SCD: variants seen among roughly 807,000 people sequenced by gnomAD.
The protein encoded by SCD is acyl-CoA desaturase.
A neutral mutation model predicts 35.7 loss-of-function variants in SCD; 4 were observed. The observed-to-expected ratio is 0.11, with a 90% CI of 0.06 to 0.26. SCD has a LOEUF of 0.26. Ranked by LOEUF, SCD falls within the 10% of genes least tolerant of loss-of-function variation. The probability of loss-of-function intolerance (pLI) is 1.00; values close to 1 mark genes in which losing one functional copy is unlikely to be tolerated. For synonymous variants in SCD, 150 were observed against 170.2 expected (o/e 0.88, Z 0.92); for missense variants, 282 against 460.7 (o/e 0.61, Z 3.55).
chr10:100,356,424 C>T lies in SCD; in HGVS notation c.648-108C>T, dbSNP rs146967790. The stretch of plus-strand genomic sequence containing the variant: ...AACAATGAACTTAGAGTCAGACAAG[C>T]AATTCAACATGGAAGAAAGACAGCC... On this transcript the variant is annotated intron_variant, in intron 4 of 5. Coordinates refer to ENST00000370355, the MANE Select transcript of SCD (RefSeq NM_005063.5). This position sits in a 1 kb window ranked among gnomAD's most constrained non-coding sequence, Gnocchi z 4.1. 1.5e-3 allele frequency: 1,180 copies of T among 776,528 alleles called. 16 individuals carry two copies. In the East Asian group the frequency reaches 0.027, roughly 18 times the overall value. The allele number at this position is 776,528 out of a possible 1,614,324, so 48.1% of individuals were successfully genotyped here.
At chr10:100,353,582 C>CA (rs35108206) in intron 3 of SCD, among the ~76,000 whole-genome samples, 17,255 of 106,200 alleles carry the variant, frequency 0.16, 1,920 homozygotes, top group African/African-American at 0.35. Context: ...GACTCCATCT[C>CA]AAAAAAAAAA....
chr10:100,351,607 G>A (rs962437399), intron 2 of SCD, among the ~76,000 whole-genome samples: 4 of 152,062 alleles, frequency 2.6e-5, no homozygotes, highest in African/African-American at 4.8e-5. Context: ...ACAACTAAGG[G>A]CTTCTCAAAT....
chr10:100,360,082 A>G (rs1849974334), intron 5 of SCD, among the ~76,000 whole-genome samples: 1 of 152,198 alleles, frequency 6.6e-6, no homozygotes, highest in African/African-American at 2.4e-5. Flanking sequence ...GTGGCTGAGG[A>G]CATTCCAGCC....
chr10:100,348,629 G>A (rs555718150), intron 2 of SCD, among the ~76,000 whole-genome samples: 110 of 152,180 alleles, frequency 7.2e-4, no homozygotes, highest in African/African-American at 2.6e-3. Context: ...GAGCTTTTCT[G>A]TTTGAGTCAT....
At position 100,347,336 on chromosome 10, in the gene SCD, G is replaced by C. The variant is rs201691424; in HGVS notation, c.-169G>C. The C allele has an allele frequency of 9.1e-5, 67 of 736,148 alleles. No individual in the cohort carries two copies. The highest frequency in any genetic ancestry group is 1.5e-4 in the Non-Finnish European group (61 of 416,174). The allele number at this position is 736,148 out of a possible 1,614,324, so 45.6% of individuals were successfully genotyped here. A position where few individuals can be genotyped will look rare whatever the true frequency, so the allele number is the denominator to read the frequency against. On this transcript the variant is annotated 5_prime_UTR_variant, in exon 1 of 6. Transcript: ENST00000370355. Reference sequence around the variant, plus strand: ...GCCAGCTCTAGCCTTTAAATTCCCGGCTCGGGGACCTCCACGCACCGCGGC... The same window carrying C: ...GCCAGCTCTAGCCTTTAAATTCCCGCCTCGGGGACCTCCACGCACCGCGGC...
At chr10:100,359,877 G>A (rs1019494519) in intron 5 of SCD, among the ~76,000 whole-genome samples, 4 of 152,212 alleles carry the variant, frequency 2.6e-5, no homozygotes, top group African/African-American at 4.8e-5. Context: ...AGCTTTACAC[G>A]TTAGAGAAAT....
Position 100,361,139 on chromosome 10 carries a change from C to T in SCD, c.*206C>T, listed in dbSNP as rs1849986059. 1 of 578,400 alleles carries T rather than the reference C, an allele frequency of 1.7e-6. No homozygotes were observed. Among genetic ancestry groups the T allele is most frequent in the Admixed American group, 3.2e-5 (1 of 31,620 alleles). The allele number at this position is 578,400 out of a possible 1,614,324, so 35.8% of individuals were successfully genotyped here. ...AAGCTGATATTATTTCTTCTCTTAT[C>T]CTCTCTCTCTTCTAGGCCCATTGTC... On this transcript the variant is annotated 3_prime_UTR_variant, in exon 6 of 6. Coordinates refer to ENST00000370355, the MANE Select transcript of SCD (RefSeq NM_005063.5).
intron 5 of SCD, among the ~76,000 whole-genome samples, chr10:100,359,835 G>A (rs78216507): frequency 0.011 from 1,740 of 152,292 alleles, 39 homozygotes; most frequent in African/African-American, 0.039. Flanking sequence ...CCTGCCAAGC[G>A]TTGGCAAACT....
chr10:100,361,089 C>T lies in SCD; in HGVS notation c.*156C>T. ...TTTTAAAATTCAAAAGTATTGAAAG[C>T]CAACAACTCTGCCTTTATGATGCTA... On this transcript the variant is annotated 3_prime_UTR_variant, in exon 6 of 6. Transcript: ENST00000370355. The T allele has an allele frequency of 1.5e-6, 1 of 653,484 alleles. No individual in the cohort carries two copies. Among genetic ancestry groups the T allele is most frequent in the Non-Finnish European group, 2.6e-6 (1 of 386,158 alleles). 40.5% of individuals were successfully genotyped at this position (653,484 alleles called of 1,614,324 possible). A position where few individuals can be genotyped will look rare whatever the true frequency, so the allele number is the denominator to read the frequency against.
intron 2 of SCD, among the ~76,000 whole-genome samples, chr10:100,349,494 G>A (rs1344051895): frequency 6.6e-6 from 1 of 152,198 alleles, no homozygotes; most frequent in African/African-American, 2.4e-5. Flanking sequence ...AGTTTTAGCT[G>A]TTTCCCTCAG....
Position 100,363,233 on chromosome 10 carries a change from A to T in SCD, c.*2300A>T, listed in dbSNP as rs565329840. ...GTATAGAAGTCTGGAAAAAAACAAA[A>T]ACAGAATTTGAGAACCTTGGACCAC... On this transcript the variant is annotated 3_prime_UTR_variant, in exon 6 of 6. Transcript: ENST00000370355. The T allele has an allele frequency of 6.6e-6, 1 of 152,358 alleles. No individual in the cohort carries two copies. The highest frequency in any genetic ancestry group is 6.5e-5 in the Admixed American group (1 of 15,294). 9.4% of individuals were successfully genotyped at this position (152,358 alleles called of 1,614,324 possible).
At position 100,347,493 on chromosome 10, in the gene SCD, C is replaced by T; in HGVS notation, c.-12C>T. On this transcript the variant is annotated 5_prime_UTR_variant, in exon 1 of 6. Coordinates refer to ENST00000370355, the MANE Select transcript of SCD (RefSeq NM_005063.5). ...GCCCCCTGGAAAGTGATCCCGGCATCCGAGAGCCAAGATGCCGGCCCACTT... is the reference window on the plus strand; with the variant it reads ...GCCCCCTGGAAAGTGATCCCGGCATTCGAGAGCCAAGATGCCGGCCCACTT... The T allele has an allele frequency of 6.2e-7, 1 of 1,613,896 alleles. No homozygotes were observed. The highest frequency in any genetic ancestry group is 8.5e-7 in the Non-Finnish European group (1 of 1,179,964).
In SCD at chr10:100,360,807, C is replaced by T; in HGVS notation, c.954C>T (p.Asn318=). ...YSASEYRWHI[N]FTTFFIDCMA... ...CCAGTGAGTACCGCTGGCACATCAACTTCACCACATTCTTCATTGATTGCA... is the reference window on the plus strand; with the variant it reads ...CCAGTGAGTACCGCTGGCACATCAATTTCACCACATTCTTCATTGATTGCA... Residue 318 remains asparagine (N), a synonymous_variant, in exon 6 of 6, where the codon AAC becomes AAT. Transcript: ENST00000370355. 6.2e-7 allele frequency: 1 copy of T among 1,613,994 alleles called. No homozygotes were observed. The highest frequency in any genetic ancestry group is 8.5e-7 in the Non-Finnish European group (1 of 1,179,866).
chr10:100,354,354 T>C, intron 3 of SCD, 73 bp from the exon 4 acceptor site: 1 of 1,359,186 alleles, frequency 7.4e-7, no homozygotes, highest in Non-Finnish European at 1.1e-6. Context: ...GGGCTCTTGA[T>C]ACCTGTCCAT....
chr10:100,360,490 G>A (rs1422584582), intron 5 of SCD, among the ~76,000 whole-genome samples: 1 of 152,204 alleles, frequency 6.6e-6, no homozygotes. Context: ...AGCACTTTGG[G>A]TGGTCAACGT....
intron 5 of SCD, among the ~76,000 whole-genome samples, chr10:100,359,262 C>T (rs911896831): frequency 6.6e-6 from 1 of 152,132 alleles, no homozygotes; most frequent in Non-Finnish European, 1.5e-5. Flanking sequence ...TGTTCTCCTC[C>T]AGCTCTGTTT....
chr10:100,347,389 G>A lies in SCD; in HGVS notation c.-116G>A. On this transcript the variant is annotated 5_prime_UTR_variant, in exon 1 of 6. Coordinates refer to ENST00000370355, the MANE Select transcript of SCD (RefSeq NM_005063.5). ...GCGCCGACAACCAGCTAGCGTGCAAGGCGCCGCGGCTCAGCGCGTACCGGC... is the reference window on the plus strand; with the variant it reads ...GCGCCGACAACCAGCTAGCGTGCAAAGCGCCGCGGCTCAGCGCGTACCGGC... 2 of 1,170,696 alleles carry A rather than the reference G, an allele frequency of 1.7e-6. No homozygotes were observed. The highest frequency in any genetic ancestry group is 2.0e-5 in the Admixed American group (1 of 51,132). The allele number at this position is 1,170,696 out of a possible 1,614,324, so 72.5% of individuals were successfully genotyped here. A position where few individuals can be genotyped will look rare whatever the true frequency, so the allele number is the denominator to read the frequency against.
intron 3 of SCD, among the ~76,000 whole-genome samples, chr10:100,353,953 T>C (rs1849899246): frequency 6.6e-6 from 1 of 152,134 alleles, no homozygotes; most frequent in Non-Finnish European, 1.5e-5. Context: ...TGTTATTGGG[T>C]TGTATGAGCT....
Position 100,362,379 on chromosome 10 carries a change from A to C in SCD, c.*1446A>C, listed in dbSNP as rs1849997990. On this transcript the variant is annotated 3_prime_UTR_variant, in exon 6 of 6. Transcript: ENST00000370355. Reference sequence around the variant, plus strand: ...TCCACAGTGTTGTGCCCCTTCACTCATTTTTTTTTGAGGAGAAGGGGGTCT... The same window carrying C: ...TCCACAGTGTTGTGCCCCTTCACTCCTTTTTTTTTGAGGAGAAGGGGGTCT... The C allele has an allele frequency of 6.6e-6, 1 of 151,380 alleles. No individual in the cohort carries two copies. The highest frequency in any genetic ancestry group is 2.4e-5 in the African/African-American group (1 of 41,218). 9.4% of individuals were successfully genotyped at this position (151,380 alleles called of 1,614,324 possible). A position where few individuals can be genotyped will look rare whatever the true frequency, so the allele number is the denominator to read the frequency against.
Sources: allele counts gnomAD v4.1 joint callset (sites outside exome capture counted in the v4.1 genomes callset), GRCh38; gene constraint gnomAD v4.1.1; non-coding constraint Gnocchi (gnomAD v3.1); transcripts MANE v1.5; gene names NCBI Gene and HGNC (gene_info 2026-07-23, HGNC 2026-07-21).